Variants in DGKH observed in about 807,000 individuals in gnomAD.
The protein encoded by DGKH is diacylglycerol kinase eta.
In DGKH, 90 loss-of-function variants were observed where a neutral mutation model predicts 159.3. The observed-to-expected ratio is 0.57, with a 90% CI of 0.48 to 0.67. The LOEUF (loss-of-function observed/expected upper bound fraction) is 0.67. Among genes scored for constraint, DGKH ranks in the 30% least tolerant of loss-of-function variants. DGKH has a pLI of 0.00. For missense variants in DGKH, 1,181 were observed against 1,506.1 expected, an observed-to-expected ratio of 0.78 and a Z score of 3.57; for synonymous variants, 536 against 553.8, an observed-to-expected ratio of 0.97 and a Z score of 0.45.
chr13:42,195,955 A>G (rs1425362981), intron 17 of DGKH: 3 of 152,226 alleles, frequency 2.0e-5, no homozygotes, highest in African/African-American at 7.2e-5. Flanking sequence ...TTCAACAATA[A>G]AAAGGTAAGT....
At chr13:42,244,274 TAGAAAA>T (rs1958558750), downstream of DGKH, among the ~76,000 whole-genome samples, 2 of 152,004 alleles carry the variant, frequency 1.3e-5, no homozygotes, top group African/African-American at 4.8e-5. Flanking sequence ...CTTAGGAACT[TAGAAAA>T]GGAGCCCCAC....
At chr13:42,192,577 T>C (rs9594695) in intron 16 of DGKH, among the ~76,000 whole-genome samples, 16 of 122,662 alleles carry the variant, frequency 1.3e-4, no homozygotes, top group Non-Finnish European at 1.9e-4. Flanking sequence ...TCCTCCTCCT[T>C]CTTCTTCTTT....
chr13:42,228,776 G>A (rs1328643964), intron 29 of DGKH, among the ~76,000 whole-genome samples: 1 of 152,088 alleles, frequency 6.6e-6, no homozygotes, highest in African/African-American at 2.4e-5. Context: ...GAAGTCAAAA[G>A]CCACTGTGTA....
chr13:42,250,849 C>A (rs971374583), intron 29 of DGKH, among the ~76,000 whole-genome samples: 21 of 152,142 alleles, frequency 1.4e-4, no homozygotes, highest in African/African-American at 5.1e-4. Flanking sequence ...CAACAAAAAA[C>A]ACTAATATGT....
intron 1 of DGKH, among the ~76,000 whole-genome samples, chr13:42,058,902 C>T (rs928963146): frequency 6.6e-5 from 10 of 152,124 alleles, no homozygotes; most frequent in Non-Finnish European, 1.3e-4. Flanking sequence ...CCCTGAATCC[C>T]ATTAGCCACA....
chr13:42,130,559 T>A (rs1466048091), intron 3 of DGKH, among the ~76,000 whole-genome samples: 1 of 152,190 alleles, frequency 6.6e-6, no homozygotes, highest in Non-Finnish European at 1.5e-5. Flanking sequence ...TTGTTCTTGC[T>A]GTGTTGTCAC....
At chr13:42,189,732 TCTCAG>T (rs1957018309) in intron 15 of DGKH, among the ~76,000 whole-genome samples, 2 of 152,168 alleles carry the variant, frequency 1.3e-5, no homozygotes, top group Non-Finnish European at 2.9e-5. Context: ...AGTGGCGTGA[TCTCAG>T]CTCACTGCAA....
intron 26 of DGKH, chr13:42,216,525 G>T (rs1162582277): frequency 6.6e-6 from 1 of 152,210 alleles, no homozygotes. Context: ...GGCACAGTGG[G>T]TGAATGAATG....
intron 1 of DGKH, among the ~76,000 whole-genome samples, chr13:42,084,975 G>C (rs892677994): frequency 6.6e-6 from 1 of 151,442 alleles, no homozygotes; most frequent in Non-Finnish European, 1.5e-5. Flanking sequence ...CTGGATTTCT[G>C]TTTTTGCTCA....
At chr13:42,066,054 T>A (rs532026718) in intron 1 of DGKH, 1 of 152,280 alleles carries the variant, frequency 6.6e-6, no homozygotes, top group East Asian at 1.9e-4. Context: ...TGTACCACAA[T>A]GCCTGACTAA....
At chr13:42,253,559 G>T (rs1026394836) in intron 30 of DGKH, among the ~76,000 whole-genome samples, 3 of 152,226 alleles carry the variant, frequency 2.0e-5, no homozygotes, top group Non-Finnish European at 4.4e-5. Flanking sequence ...GACACTTCAG[G>T]TGCTGCCCTT....
Position 42,048,970 on chromosome 13 carries a change from G to A in DGKH, c.192+5G>A. ...TCGGGGCAGATCCGGACCAAGGTAG[G>A]GCGGAGGAGGCGGGCCTGAGGGCCG... On this transcript the variant is annotated splice_donor_5th_base_variant and intron_variant, in intron 1 of 29. Transcript: ENST00000337343. This position sits in a 1 kb window ranked among gnomAD's most constrained non-coding sequence, Gnocchi z 6.7. 1.1e-5 allele frequency: 14 copies of A among 1,282,402 alleles called. No homozygotes were observed. Among genetic ancestry groups the A allele is most frequent in the Non-Finnish European group, 1.4e-5 (14 of 1,006,702 alleles). The allele number at this position is 1,282,402 out of a possible 1,614,324, so 79.4% of individuals were successfully genotyped here.
intron 3 of DGKH, among the ~76,000 whole-genome samples, chr13:42,134,306 G>T (rs1955354210): frequency 6.6e-6 from 1 of 152,194 alleles, no homozygotes; most frequent in South Asian, 2.1e-4. Context: ...CATTAAGACA[G>T]TCGTGTCAAA....
chr13:42,048,466 CCT>C (rs924865325), upstream of DGKH, among the ~76,000 whole-genome samples: 3 of 152,024 alleles, frequency 2.0e-5, no homozygotes, highest in African/African-American at 4.8e-5. This position sits in a 1 kb window ranked among gnomAD's most constrained non-coding sequence, Gnocchi z 6.7. Context: ...GTCACCCCAT[CCT>C]CTCTACCCGC....
rs770829677 is a variant in DGKH at position 42,187,166 on chromosome 13, A to T, written c.1638+18A>T. On this transcript the variant is annotated intron_variant, in intron 14 of 29. Transcript: ENST00000337343. ...CCAGTAAAGTAAGAGGGGACTCTTC[A>T]GGGCATGAGAGTTGTTTATGGACAA... The T allele has an allele frequency of 6.3e-7, 1 of 1,593,162 alleles. No homozygotes were observed. Among genetic ancestry groups the T allele is most frequent in the Non-Finnish European group, 8.6e-7 (1 of 1,161,078 alleles).
intron 29 of DGKH, among the ~76,000 whole-genome samples, chr13:42,251,514 A>C (rs1958620150): frequency 6.6e-6 from 1 of 152,142 alleles, no homozygotes; most frequent in Non-Finnish European, 1.5e-5. Flanking sequence ...TATTAACTGA[A>C]ATCACTTCTT....
chr13:42,061,974 A>C (rs1255199437), intron 1 of DGKH, among the ~76,000 whole-genome samples: 1 of 90,006 alleles, frequency 1.1e-5, no homozygotes, highest in African/African-American at 3.4e-5. Flanking sequence ...AGAAAGATGG[A>C]GAGTGTGTGT....
chr13:42,084,152 A>T (rs1477997748), intron 1 of DGKH, among the ~76,000 whole-genome samples: 1 of 152,236 alleles, frequency 6.6e-6, no homozygotes, highest in Non-Finnish European at 1.5e-5. Context: ...TCAATATTTA[A>T]TATAAAAGAC....
In DGKH at chr13:42,189,166, A is replaced by G; in HGVS notation, c.1769A>G (p.Glu590Gly). ...EEDAVESSSE[E>G]SLGESKEQLG... ...GATGCTGTGGAATCGTCCAGTGAAG[A>G]GTCCCTGGGTGAAAGCAAAGAGCAG... Residue 590 changes from glutamate to glycine, a missense_variant, in exon 15 of 30, where the codon GAG becomes GGG. Coordinates refer to ENST00000337343, the MANE Select transcript of DGKH (RefSeq NM_178009.5). The G allele has an allele frequency of 6.2e-7, 1 of 1,614,246 alleles. No individual in the cohort carries two copies.
Sources: gnomAD v4.1 joint callset for allele counts (sites outside exome capture counted in the v4.1 genomes callset) on GRCh38, gnomAD v4.1.1 for gene constraint, Gnocchi (gnomAD v3.1) non-coding constraint, MANE v1.5 for transcripts, NCBI Gene and HGNC (gene_info 2026-07-23, HGNC 2026-07-21) for gene names.